The following MYBPC1 variants were observed in gnomAD, a reference collection of about 807,000 sequenced individuals.
MYBPC1 encodes the protein myosin binding protein C1.
In MYBPC1, 52 loss-of-function variants were observed where a neutral mutation model predicts 147.1. That is an observed-to-expected ratio of 0.35 (90% CI 0.28 to 0.45). The LOEUF (loss-of-function observed/expected upper bound fraction) is 0.45, where lower values mean the gene tolerates loss of function less well. Among genes scored for constraint, MYBPC1 ranks in the 20% least tolerant of loss-of-function variants. The pLI is 1.00. For synonymous variants in MYBPC1, 477 were observed against 475.9 expected, an observed-to-expected ratio of 1.00 and a Z score of -0.03; for missense variants, 1,228 against 1,440.3, an observed-to-expected ratio of 0.85 and a Z score of 2.39.
intron 6 of MYBPC1, among the ~76,000 whole-genome samples, chr12:101,630,843 T>C (rs1889741046): frequency 6.6e-6 from 1 of 152,226 alleles, no homozygotes; most frequent in South Asian, 2.1e-4. Context: ...TTATAAGGGA[T>C]ATATTATGAT....
chr12:101,595,924 A>C (rs2135485272), intron 1 of MYBPC1, among the ~76,000 whole-genome samples: 1 of 152,250 alleles, frequency 6.6e-6, no homozygotes, highest in Admixed American at 6.5e-5. Context: ...AATAATAATA[A>C]GCACAAATTA....
At chr12:101,643,120 G>A (rs1892403939) in intron 11 of MYBPC1, among the ~76,000 whole-genome samples, 2 of 152,104 alleles carry the variant, frequency 1.3e-5, no homozygotes. Context: ...TTAGCTCTTC[G>A]AAGCTTCCTA....
At chr12:101,674,987 G>A (rs1424882136) in intron 25 of MYBPC1, among the ~76,000 whole-genome samples, 3 of 151,958 alleles carry the variant, frequency 2.0e-5, no homozygotes, top group Non-Finnish European at 2.9e-5. Flanking sequence ...AACCAAAGGG[G>A]CAACTTCCTG....
At chr12:101,631,507 C>T (rs931140816) in intron 6 of MYBPC1, 64 bp from the exon 7 acceptor site, 59 of 1,557,890 alleles carry the variant, frequency 3.8e-5, no homozygotes, top group Non-Finnish European at 4.7e-5. Flanking sequence ...CAACTCCTTC[C>T]AGTTGAAAGC....
chr12:101,598,521 C>A (rs979114653), intron 1 of MYBPC1, among the ~76,000 whole-genome samples: 1 of 152,110 alleles, frequency 6.6e-6, no homozygotes, highest in African/African-American at 2.4e-5. Context: ...ACCATAAAGC[C>A]TGATTCTTTA....
chr12:101,601,684 A>G (rs1274753331), intron 1 of MYBPC1, among the ~76,000 whole-genome samples: 1 of 152,212 alleles, frequency 6.6e-6, no homozygotes, highest in Non-Finnish European at 1.5e-5. Flanking sequence ...CTAAAATTAC[A>G]TTTAATAATA....
chr12:101,651,680 C>G (rs923844588), intron 16 of MYBPC1, among the ~76,000 whole-genome samples: 1 of 152,162 alleles, frequency 6.6e-6, no homozygotes, highest in Non-Finnish European at 1.5e-5. Flanking sequence ...ATGGCTCATG[C>G]CTGTAATCCC....
intron 22 of MYBPC1, 54 bp from the exon 23 acceptor site, chr12:101,667,678 T>G (rs1479957905): frequency 4.4e-6 from 7 of 1,602,224 alleles, no homozygotes; most frequent in Non-Finnish European, 5.1e-6. Flanking sequence ...TTAAGATGAT[T>G]TTTTTCACTA....
At chr12:101,662,253 A>G in intron 20 of MYBPC1, 105 bp from the exon 21 acceptor site, 1 of 1,005,232 alleles carries the variant, frequency 9.9e-7, no homozygotes, top group Admixed American at 2.1e-5. Flanking sequence ...ACTATTTCAC[A>G]TAGATTGATG....
In MYBPC1 at chr12:101,682,600, G is replaced by A. The variant is rs1248528317; in HGVS notation, c.3434-4G>A. The A allele has an allele frequency of 6.2e-7, 1 of 1,611,134 alleles. No individual in the cohort carries two copies. Among genetic ancestry groups the A allele is most frequent in the Non-Finnish European group, 8.5e-7 (1 of 1,177,390 alleles). On this transcript the variant is annotated splice_region_variant and splice_polypyrimidine_tract_variant and intron_variant, in intron 29 of 31. Coordinates refer to ENST00000361466, the MANE Select transcript of MYBPC1 (RefSeq NM_002465.4). ...ATACTGGTACAAATATTCTGATTCT[G>A]CAGTGATATATCAAGGAGTAAATAC...
At chr12:101,674,866 A>G (rs1899555413) in intron 25 of MYBPC1, among the ~76,000 whole-genome samples, 1 of 149,976 alleles carries the variant, frequency 6.7e-6, no homozygotes, top group African/African-American at 2.5e-5. Flanking sequence ...TGTCTCCAAA[A>G]AAAAAAAAAA....
At chr12:101,608,074 T>G (rs1882932806) in intron 1 of MYBPC1, among the ~76,000 whole-genome samples, 1 of 152,228 alleles carries the variant, frequency 6.6e-6, no homozygotes, top group Non-Finnish European at 1.5e-5. Flanking sequence ...TGTGCAGGCA[T>G]GCCATTGGTG....
the MYBPC1 span, among the ~76,000 whole-genome samples, chr12:101,692,760 A>T: frequency 6.6e-6 from 1 of 152,190 alleles, no homozygotes; most frequent in East Asian, 1.9e-4. Context: ...AAATAATAGG[A>T]AATCTCTAAT....
chr12:101,689,524 A>T (rs1202269134), downstream of MYBPC1, among the ~76,000 whole-genome samples: 1 of 152,050 alleles, frequency 6.6e-6, no homozygotes, highest in African/African-American at 2.4e-5. Flanking sequence ...CTGTAACTTG[A>T]CTGTTATATT....
intron 1 of MYBPC1, among the ~76,000 whole-genome samples, chr12:101,598,265 C>T (rs1479372705): frequency 6.6e-6 from 1 of 152,172 alleles, no homozygotes; most frequent in Admixed American, 6.5e-5. Flanking sequence ...GGTGGTCCAC[C>T]TGCCTCTGCC....
At chr12:101,640,220 C>T (rs1462096818) in intron 10 of MYBPC1, among the ~76,000 whole-genome samples, 1 of 152,140 alleles carries the variant, frequency 6.6e-6, no homozygotes, top group African/African-American at 2.4e-5. Context: ...CCATGTTGCC[C>T]AGGCTGGTCT....
At chr12:101,669,976 A>T in intron 23 of MYBPC1, 1 of 396,130 alleles carries the variant, frequency 2.5e-6, no homozygotes, top group Admixed American at 3.8e-5. Context: ...TATGCATAGT[A>T]TGTATAAGGC....
intron 9 of MYBPC1, among the ~76,000 whole-genome samples, chr12:101,635,475 G>T (rs888395481): frequency 3.3e-5 from 5 of 151,964 alleles, no homozygotes; most frequent in African/African-American, 1.2e-4. Flanking sequence ...TAATTACTTT[G>T]AAAAGTTATT....
intron 11 of MYBPC1, among the ~76,000 whole-genome samples, chr12:101,642,809 C>A (rs939081579): frequency 6.6e-6 from 1 of 152,246 alleles, no homozygotes; most frequent in African/African-American, 2.4e-5. Flanking sequence ...GTACATTACC[C>A]CCGCGGTTAC....
Sources: allele counts gnomAD v4.1 joint callset (sites outside exome capture counted in the v4.1 genomes callset), GRCh38; gene constraint gnomAD v4.1.1; transcripts MANE v1.5; gene names NCBI Gene and HGNC (gene_info 2026-07-23, HGNC 2026-07-21).